Variants in WDR17 observed in about 807,000 individuals in gnomAD.
The protein encoded by WDR17 is WD repeat-containing protein 17.
In WDR17, 143 loss-of-function variants were observed where a neutral mutation model predicts 161.7. The ratio of observed to expected loss-of-function variants is 0.88; its 90% CI spans 0.77 to 1.02. WDR17 has a LOEUF of 1.02. Among genes scored for constraint, WDR17 ranks in the 50% least tolerant of loss-of-function variants. The pLI is 0.00. For synonymous variants in WDR17, 517 were observed against 515.6 expected (o/e 1.00, Z -0.04); for missense variants, 1,469 against 1,520.9 (o/e 0.97, Z 0.57).
intron 22 of WDR17, 22 bp downstream of exon 22, chr4:176,163,315 G>T (rs1361529563): frequency 1.3e-6 from 2 of 1,582,522 alleles, no homozygotes; most frequent in South Asian, 1.2e-5. Context: ...GAAATTCAAA[G>T]AATAATTTCA....
At chr4:176,098,612 T>G (rs1299586621) in intron 1 of WDR17, among the ~76,000 whole-genome samples, 1 of 152,004 alleles carries the variant, frequency 6.6e-6, no homozygotes, top group Admixed American at 6.6e-5. Flanking sequence ...TTTCATCTCC[T>G]TGGCAACTGT....
chr4:176,174,722 A>G lies in WDR17; in HGVS notation c.3449+4A>G, dbSNP rs772207220. 1.3e-6 allele frequency: 2 copies of G among 1,590,672 alleles called. No individual in the cohort carries two copies. Among genetic ancestry groups the G allele is most frequent in the African/African-American group, 2.7e-5 (2 of 74,402 alleles). On this transcript the variant is annotated splice_donor_region_variant and intron_variant, in intron 26 of 28. Transcript: ENST00000508596. Reference sequence around the variant, plus strand: ...CAGCACTTTATGAGTACACAAGGTAAAAAAGGTTTTTTCCTCCATCATGAC... The same window carrying G: ...CAGCACTTTATGAGTACACAAGGTAGAAAAGGTTTTTTCCTCCATCATGAC...
chr4:176,085,323 T>C (rs1393050806), intron 1 of WDR17, among the ~76,000 whole-genome samples: 1 of 152,054 alleles, frequency 6.6e-6, no homozygotes, highest in African/African-American at 2.4e-5. Context: ...CTTTTTCAGG[T>C]TTGGGGAAGA....
At chr4:176,092,327 G>C (rs1736231744) in intron 1 of WDR17, among the ~76,000 whole-genome samples, 1 of 152,078 alleles carries the variant, frequency 6.6e-6, no homozygotes, top group Non-Finnish European at 1.5e-5. Context: ...ATGTCAACAG[G>C]ATGAAGGACA....
intron 8 of WDR17, among the ~76,000 whole-genome samples, chr4:176,137,185 C>G: frequency 6.6e-6 from 1 of 151,248 alleles, no homozygotes; most frequent in Middle Eastern, 3.4e-3. Context: ...GATAGTTTGG[C>G]CTTGATCAAT....
intron 2 of WDR17, among the ~76,000 whole-genome samples, chr4:176,111,936 T>A (rs1490468898): frequency 1.3e-5 from 2 of 152,174 alleles, no homozygotes; most frequent in East Asian, 1.9e-4. Flanking sequence ...TTTTTTCAGT[T>A]GAAGAATTTG....
At chr4:176,077,630 G>A (rs891455374) in intron 1 of WDR17, among the ~76,000 whole-genome samples, 1 of 151,856 alleles carries the variant, frequency 6.6e-6, no homozygotes, top group Admixed American at 6.6e-5. Flanking sequence ...TCTTTCAGTT[G>A]TAGGCAACAG....
intron 4 of WDR17, among the ~76,000 whole-genome samples, chr4:176,123,780 T>G (rs1242497256): frequency 2.6e-5 from 4 of 152,194 alleles, no homozygotes; most frequent in Non-Finnish European, 5.9e-5. Context: ...GCATATTGAT[T>G]AAAACATTGG....
intron 1 of WDR17, among the ~76,000 whole-genome samples, chr4:176,095,611 T>C (rs1236961403): frequency 6.6e-6 from 1 of 151,940 alleles, no homozygotes; most frequent in Non-Finnish European, 1.5e-5. Flanking sequence ...TCCCCTACCC[T>C]CCTTCCTTCG....
At chr4:176,113,127 T>C (rs1170110794) in intron 2 of WDR17, among the ~76,000 whole-genome samples, 2 of 151,578 alleles carry the variant, frequency 1.3e-5, no homozygotes, top group Non-Finnish European at 2.9e-5. Flanking sequence ...GCAAGACTTC[T>C]AAATGCCTGT....
chr4:176,136,389 T>C (rs1162925213), intron 8 of WDR17, among the ~76,000 whole-genome samples: 2 of 151,596 alleles, frequency 1.3e-5, no homozygotes, highest in Admixed American at 1.3e-4. Flanking sequence ...TGAATACTCT[T>C]CATCCTACAA....
chr4:176,172,294 C>A, intron 23 of WDR17, 81 bp from the exon 24 acceptor site: 3 of 1,290,104 alleles, frequency 2.3e-6, no homozygotes, highest in Non-Finnish European at 3.2e-6. Flanking sequence ...ACTAGGAAAG[C>A]TGAAAGTATT....
rs549076744 is a variant in WDR17, at chr4:176,130,511, A to G, written c.914-1043A>G. Among the ~76,000 whole-genome samples the G allele has an allele frequency of 2.8e-3, 433 of 152,204 alleles. 6 individuals are homozygous for G. The highest frequency in any genetic ancestry group is 4.0e-3 in the Admixed American group (61 of 15,284). On this transcript the variant is annotated intron_variant, in intron 6 of 28. Transcript: ENST00000508596. ...TGTAATCCCAGCACTTCGGGAGGCC[A>G]AGGCGGGCAGATCACAAGGTCAGGA...
Position 176,160,978 on chromosome 4 carries a change from A to G in WDR17, c.2726A>G (p.Asp909Gly). Residue 909 changes from aspartate (D) to glycine (G), a missense_variant, in exon 20 of 29, where the codon GAT becomes GGT. Transcript: ENST00000508596. ...SVPKGASYSD[D>G]IYKEDFNELL... ...CCTAAAGGAGCTTCATATTCTGATG[A>G]TATCTACAAGGAAGACTTTAATGAG... 2 of 1,610,314 alleles carry G rather than the reference A, an allele frequency of 1.2e-6. No individual in the cohort carries two copies. The highest frequency in any genetic ancestry group is 1.7e-4 in the Middle Eastern group (1 of 6,058).
intron 1 of WDR17, among the ~76,000 whole-genome samples, chr4:176,094,795 ATGATT>A (rs758321193): frequency 3.3e-5 from 5 of 152,164 alleles, no homozygotes; most frequent in Admixed American, 6.6e-5. Flanking sequence ...ATAATCAAAG[ATGATT>A]TGATATTTTC....
intron 4 of WDR17, among the ~76,000 whole-genome samples, 191 bp downstream of exon 4, chr4:176,120,288 TTATATATATATATATA>T (rs33940735): frequency 5.1e-5 from 7 of 136,514 alleles, no homozygotes; most frequent in East Asian, 4.2e-4. Context: ...ATTTGAAGTT[TTATATATATATATATA>T]TATATATATA....
intron 1 of WDR17, among the ~76,000 whole-genome samples, chr4:176,110,389 G>A (rs550732343): frequency 2.0e-5 from 3 of 152,276 alleles, no homozygotes; most frequent in Admixed American, 6.5e-5. Flanking sequence ...GCCTCCCAAA[G>A]AGCTGGGATT....
chr4:176,137,993 T>A (rs10019889), intron 9 of WDR17, among the ~76,000 whole-genome samples: 38,553 of 151,034 alleles, frequency 0.26, 5,075 homozygotes, highest in African/African-American at 0.3. Flanking sequence ...CTAAAAAATG[T>A]TGAAGGTGGA....
At chr4:176,155,545 G>GTTTTTTT (rs869207103) in intron 17 of WDR17, among the ~76,000 whole-genome samples, 2 of 105,248 alleles carry the variant, frequency 1.9e-5, no homozygotes, top group Non-Finnish European at 3.8e-5. Flanking sequence ...ATTTGTTTGT[G>GTTTTTTT]TTTTTTTTTT....
Sources: allele counts gnomAD v4.1 joint callset (sites outside exome capture counted in the v4.1 genomes callset), GRCh38; gene constraint gnomAD v4.1.1; transcripts MANE v1.5; gene names NCBI Gene and HGNC (gene_info 2026-07-23, HGNC 2026-07-21).